CAMK4: variants seen among roughly 807,000 people sequenced by gnomAD.
CAMK4 encodes calcium/calmodulin dependent protein kinase IV.
CAMK4 carries 22 observed loss-of-function variants against 44.9 expected under a neutral mutation model. The ratio of observed to expected loss-of-function variants is 0.49; its 90% CI spans 0.35 to 0.70. CAMK4 has a LOEUF of 0.70. Among genes scored for constraint, CAMK4 ranks in the 30% least tolerant of loss-of-function variants. The pLI, the probability that CAMK4 is intolerant of heterozygous loss-of-function variation, is 0.01. For missense variants in CAMK4, 498 were observed against 586.8 expected, an observed-to-expected ratio of 0.85 and a Z score of 1.56; for synonymous variants, 218 against 215.4, an observed-to-expected ratio of 1.01 and a Z score of -0.11.
Position 111,290,796 on chromosome 5 carries a change from A to G in CAMK4, c.162-53228A>G, listed in dbSNP as rs920843116. 3.3e-5 allele frequency among the ~76,000 whole-genome samples: 5 copies of G among 152,190 alleles called. No individual in the cohort carries two copies. Among genetic ancestry groups the G allele is most frequent in the Admixed American group, 6.5e-5 (1 of 15,280 alleles). Reference sequence around the variant, plus strand: ...TGAGGTAAGGTGTCAAGGGTCCCCTACTAATACCTGGGGAGTAGAAAATCA... The same window carrying G: ...TGAGGTAAGGTGTCAAGGGTCCCCTGCTAATACCTGGGGAGTAGAAAATCA... On this transcript the variant is annotated intron_variant, in intron 1 of 10. Transcript: ENST00000282356. The surrounding 1 kb of genome is among the most constrained non-coding windows in gnomAD (Gnocchi z 4.5).
At chr5:111,429,917 CA>C (rs139404786) in intron 5 of CAMK4, among the ~76,000 whole-genome samples, 49,465 of 135,618 alleles carry the variant, frequency 0.36, 8,377 homozygotes, top group South Asian at 0.49. Flanking sequence ...CAAACTATTC[CA>C]AAAAAAAAAA....
At chr5:111,264,405 T>A in intron 1 of CAMK4, among the ~76,000 whole-genome samples, 2 of 152,148 alleles carry the variant, frequency 1.3e-5, no homozygotes. Context: ...GATGCATAGA[T>A]GCATAAAACT....
Position 111,379,661 on chromosome 5 carries a change from C to T in CAMK4, c.386+2719C>T, listed in dbSNP as rs954779720. On this transcript the variant is annotated intron_variant, in intron 4 of 10. Coordinates refer to ENST00000282356, the MANE Select transcript of CAMK4 (RefSeq NM_001744.6). ...AGGTAACATGATCTCTTTTTTTGTA[C>T]TTAGGTCAAAACAAATTTACTTAAT... is the stretch of plus-strand genomic sequence containing the variant. Among the ~76,000 whole-genome samples the T allele has an allele frequency of 5.3e-5, 8 of 151,990 alleles. No individual in the cohort carries two copies. In the East Asian group the frequency reaches 1.5e-3, roughly 29 times the overall value.
chr5:111,415,491 G>A (rs1326144188), intron 5 of CAMK4, among the ~76,000 whole-genome samples: 2 of 152,188 alleles, frequency 1.3e-5, no homozygotes, highest in African/African-American at 4.8e-5. Context: ...ACTTAATAAG[G>A]AAAGAAATTA....
chr5:111,373,787 G>A (rs796416904), intron 2 of CAMK4, among the ~76,000 whole-genome samples: 21 of 152,204 alleles, frequency 1.4e-4, no homozygotes, highest in African/African-American at 4.8e-4. Context: ...TCAAAGGTTC[G>A]GGACAGCTCA....
chr5:111,337,427 G>A (rs928386344), intron 1 of CAMK4, among the ~76,000 whole-genome samples: 1 of 149,646 alleles, frequency 6.7e-6, no homozygotes, highest in African/African-American at 2.4e-5. Flanking sequence ...TCGTCAAGCT[G>A]TTTTCAAAAG....
intron 7 of CAMK4, among the ~76,000 whole-genome samples, chr5:111,455,281 T>C (rs947958917): frequency 2.6e-5 from 4 of 152,198 alleles, no homozygotes; most frequent in Admixed American, 2.6e-4. Context: ...AATAATATTC[T>C]ACAATAATAT....
chr5:111,361,348 A>G (rs1018762350), intron 2 of CAMK4, among the ~76,000 whole-genome samples: 1 of 152,090 alleles, frequency 6.6e-6, no homozygotes, highest in African/African-American at 2.4e-5. Flanking sequence ...GAGTGTATAT[A>G]ATATTGTGCC....
chr5:111,229,987 CA>C (rs1748388978), intron 1 of CAMK4, among the ~76,000 whole-genome samples: 3 of 152,116 alleles, frequency 2.0e-5, no homozygotes, highest in African/African-American at 7.2e-5. Context: ...AGGTACTCAA[CA>C]AATGATTTTA....
At chr5:111,268,733 T>C (rs1750369290) in intron 1 of CAMK4, among the ~76,000 whole-genome samples, 1 of 152,186 alleles carries the variant, frequency 6.6e-6, no homozygotes, top group Non-Finnish European at 1.5e-5. Flanking sequence ...GTATGTGACA[T>C]GTCAAAGATA....
chr5:111,494,726 T>C lies in CAMK4; in HGVS notation c.*10260T>C, dbSNP rs1288150099. 6.6e-6 allele frequency: 1 copy of C among 152,164 alleles called. No homozygotes were observed. The highest frequency in any genetic ancestry group is 1.5e-5 in the Non-Finnish European group (1 of 68,018). 9.4% of individuals were successfully genotyped at this position (152,164 alleles called of 1,614,324 possible). On this transcript the variant is annotated 3_prime_UTR_variant, in exon 11 of 11. Coordinates refer to ENST00000282356, the MANE Select transcript of CAMK4 (RefSeq NM_001744.6). ...TTATAAAAAATGGGTGTTGGAAGAC[T>C]AATTGTAGAAATTTGACCTGAGGGC...
At chr5:111,359,669 C>T (rs1237603971) in intron 2 of CAMK4, among the ~76,000 whole-genome samples, 3 of 152,058 alleles carry the variant, frequency 2.0e-5, no homozygotes, top group Non-Finnish European at 4.4e-5. Context: ...TTCCTATGTC[C>T]AGAATGGTAT....
chr5:111,345,963 A>C (rs1281650302), intron 2 of CAMK4, among the ~76,000 whole-genome samples: 1 of 151,992 alleles, frequency 6.6e-6, no homozygotes, highest in Non-Finnish European at 1.5e-5. Context: ...TACTGTGCCA[A>C]ATGGAATGAG....
At chr5:111,478,062 T>C (rs1389681641) in intron 8 of CAMK4, among the ~76,000 whole-genome samples, 1 of 151,728 alleles carries the variant, frequency 6.6e-6, no homozygotes, top group Non-Finnish European at 1.5e-5. Flanking sequence ...TCTATAATGT[T>C]AGCTATTATT....
chr5:111,446,850 A>C, intron 6 of CAMK4, 74 bp downstream of exon 6: 1 of 837,990 alleles, frequency 1.2e-6, no homozygotes, highest in East Asian at 2.4e-5. Context: ...GAATTTTTAA[A>C]TATTGCTCCA....
intron 2 of CAMK4, among the ~76,000 whole-genome samples, chr5:111,362,194 G>A (rs1750618838): frequency 6.6e-6 from 1 of 151,976 alleles, no homozygotes; most frequent in African/African-American, 2.4e-5. Context: ...TGAAATTGAA[G>A]CAGTCCTCAT....
At chr5:111,250,797 A>G (rs896383833) in intron 1 of CAMK4, among the ~76,000 whole-genome samples, 1 of 151,872 alleles carries the variant, frequency 6.6e-6, no homozygotes, top group Non-Finnish European at 1.5e-5. Context: ...CCTACCCTTC[A>G]GTTTTCTCAT....
chr5:111,303,968 A>G (rs1478930395), intron 1 of CAMK4, among the ~76,000 whole-genome samples: 1 of 112,764 alleles, frequency 8.9e-6, no homozygotes, highest in Admixed American at 9.5e-5. Flanking sequence ...AGAATTTTCA[A>G]CCCAGAATTT....
intron 1 of CAMK4, among the ~76,000 whole-genome samples, chr5:111,308,834 A>T (rs1748061264): frequency 6.6e-6 from 1 of 152,258 alleles, no homozygotes; most frequent in Non-Finnish European, 1.5e-5. Flanking sequence ...AAAATTAAAT[A>T]TTCAGTAATC....
Sources: allele counts gnomAD v4.1 joint callset (sites outside exome capture counted in the v4.1 genomes callset), GRCh38; gene constraint gnomAD v4.1.1; non-coding constraint Gnocchi (gnomAD v3.1); transcripts MANE v1.5; gene names NCBI Gene and HGNC (gene_info 2026-07-23, HGNC 2026-07-21).